The following SIK3 variants were observed in gnomAD, a reference collection of about 807,000 sequenced individuals.
SIK3 encodes serine/threonine-protein kinase SIK3.
A neutral mutation model predicts 144.2 loss-of-function variants in SIK3; 28 were observed. The ratio of observed to expected loss-of-function variants is 0.19; its 90% CI spans 0.14 to 0.27. The LOEUF (loss-of-function observed/expected upper bound fraction) is 0.27, where lower values mean the gene tolerates loss of function less well. Among genes scored for constraint, SIK3 ranks in the 10% least tolerant of loss-of-function variants. SIK3 has a pLI of 1.00. For synonymous variants in SIK3, 686 were observed against 676.3 expected, an observed-to-expected ratio of 1.01 and a Z score of -0.22; for missense variants, 1,319 against 1,776.0, an observed-to-expected ratio of 0.74 and a Z score of 4.62.
At chr11:116,940,419 C>T (rs1305408445) in intron 3 of SIK3, among the ~76,000 whole-genome samples, 2 of 151,656 alleles carry the variant, frequency 1.3e-5, no homozygotes, top group African/African-American at 2.4e-5. Flanking sequence ...TTAGTAAAGA[C>T]GGGGTTTCAA....
intron 1 of SIK3, among the ~76,000 whole-genome samples, chr11:117,032,631 C>T (rs559579384): frequency 2.0e-5 from 3 of 151,738 alleles, no homozygotes; most frequent in South Asian, 2.1e-4. Context: ...CTCAGCCTCC[C>T]GAGTAGCTGG....
chr11:117,072,835 T>C (rs1383878057), intron 1 of SIK3, among the ~76,000 whole-genome samples: 2 of 152,226 alleles, frequency 1.3e-5, no homozygotes, highest in African/African-American at 4.8e-5. Flanking sequence ...TGGCTGAAAG[T>C]AGATCAAAGG....
In SIK3 at chr11:116,943,223, G is replaced by T. The variant is rs182577605; in HGVS notation, c.454+10821C>A. Among the ~76,000 whole-genome samples, 421 of 152,138 alleles carry T rather than the reference G, an allele frequency of 2.8e-3. 1 individual carries two copies. The highest frequency in any genetic ancestry group is 9.8e-3 in the African/African-American group (407 of 41,486). On this transcript the variant is annotated intron_variant, in intron 3 of 24. Coordinates refer to ENST00000445177, the MANE Select transcript of SIK3 (RefSeq NM_001366686.3). Reference sequence around the variant, plus strand: ...TCAAAAAGTGCTATAGGAGAGGTATGTTCAAAGTGAAGAAAAAAAGGTAAT... The same window carrying T: ...TCAAAAAGTGCTATAGGAGAGGTATTTTCAAAGTGAAGAAAAAAAGGTAAT...
At chr11:116,882,411 A>G (rs1944597414) in intron 6 of SIK3, among the ~76,000 whole-genome samples, 1 of 152,174 alleles carries the variant, frequency 6.6e-6, no homozygotes, top group Non-Finnish European at 1.5e-5. Flanking sequence ...GAGATAGGTA[A>G]AAATTTAAGG....
At chr11:117,075,535 TA>T (rs1284652089) in intron 1 of SIK3, among the ~76,000 whole-genome samples, 65 of 143,160 alleles carry the variant, frequency 4.5e-4, no homozygotes, top group Middle Eastern at 3.6e-3. Context: ...TGTTATTGAT[TA>T]TTTTTTTTTC....
At chr11:116,992,331 A>AAC (rs1565534708) in intron 1 of SIK3, among the ~76,000 whole-genome samples, 2 of 145,210 alleles carry the variant, frequency 1.4e-5, no homozygotes, top group African/African-American at 5.0e-5. Flanking sequence ...CCCCCCAAAA[A>AAC]AAAACACCTC....
chr11:117,035,196 A>G (rs1285569405), intron 1 of SIK3, among the ~76,000 whole-genome samples: 2 of 152,180 alleles, frequency 1.3e-5, no homozygotes, highest in Admixed American at 6.5e-5. Context: ...AATATTAATA[A>G]AAGAAGCAGT....
chr11:116,935,819 T>A (rs1011336788), intron 3 of SIK3, among the ~76,000 whole-genome samples: 1 of 152,248 alleles, frequency 6.6e-6, no homozygotes, highest in East Asian at 1.9e-4. Flanking sequence ...ACAGCTCAAG[T>A]ACATGTCTCC....
chr11:116,991,098 C>T (rs1015101583), intron 1 of SIK3, among the ~76,000 whole-genome samples: 1 of 152,166 alleles, frequency 6.6e-6, no homozygotes. Context: ...AGAGAGAGAG[C>T]TGGTTAGTGG....
chr11:116,873,089 G>A (rs1345075677), intron 13 of SIK3, among the ~76,000 whole-genome samples: 1 of 152,224 alleles, frequency 6.6e-6, no homozygotes, highest in East Asian at 1.9e-4. Context: ...GGCAATTTTG[G>A]AAGCCAGTCT....
At chr11:116,860,546 T>C (rs1943267120) in intron 19 of SIK3, among the ~76,000 whole-genome samples, 1 of 152,238 alleles carries the variant, frequency 6.6e-6, no homozygotes, top group African/African-American at 2.4e-5. Context: ...GAGGCATGTC[T>C]ATAAGGAAGG....
intron 9 of SIK3, 29 bp from the exon 10 acceptor site, chr11:116,875,480 A>G: frequency 6.2e-7 from 1 of 1,603,598 alleles, no homozygotes; most frequent in Non-Finnish European, 8.5e-7. Context: ...ATATACACGC[A>G]TACCTTTAAC....
intron 1 of SIK3, among the ~76,000 whole-genome samples, chr11:117,059,791 AAAC>A (rs551900795): frequency 2.2e-4 from 34 of 152,346 alleles, no homozygotes; most frequent in African/African-American, 7.5e-4. Flanking sequence ...CTGCAAATTA[AAAC>A]AACAACGAGA....
intron 21 of SIK3, chr11:116,855,263 T>G (rs1435897146): frequency 1.3e-5 from 2 of 152,228 alleles, no homozygotes; most frequent in African/African-American, 2.4e-5. Flanking sequence ...TCTCACCCAT[T>G]GTTCTTTTCT....
rs1233087862 is a variant in SIK3 at position 116,896,355 on chromosome 11, C to T, written c.763G>A (p.Val255Met). 1.9e-6 allele frequency: 3 copies of T among 1,613,918 alleles called. No homozygotes were observed. The highest frequency in any genetic ancestry group is 1.7e-6 in the Non-Finnish European group (2 of 1,179,894). The change falls in exon 6 of 25, where the codon GTG (valine) becomes ATG (methionine). Residue 255 changes from valine (V) to methionine (M), a missense_variant. Transcript: ENST00000445177. Reference protein sequence around the residue: ...DIWSLGVVLYVLVCGALPFDG... With the variant: ...DIWSLGVVLYMLVCGALPFDG... ...AATGGCAGGGCACCGCACACAAGCA[C>T]GTAGAGGACAACTCCAAGGCTCTGC...
chr11:117,063,564 C>T (rs1953890125), intron 1 of SIK3, among the ~76,000 whole-genome samples: 1 of 150,036 alleles, frequency 6.7e-6, no homozygotes, highest in African/African-American at 2.5e-5. Context: ...CATACCCAGG[C>T]TTTAACTTCT....
At chr11:116,902,500 AATGAT>A (rs1021218223) in intron 4 of SIK3, among the ~76,000 whole-genome samples, 7 of 152,192 alleles carry the variant, frequency 4.6e-5, no homozygotes, top group South Asian at 2.1e-4. Flanking sequence ...TATGAGAATG[AATGAT>A]ATATTACAGC....
chr11:116,977,036 T>C (rs1326436813), intron 1 of SIK3, among the ~76,000 whole-genome samples: 2 of 152,128 alleles, frequency 1.3e-5, no homozygotes, highest in African/African-American at 2.4e-5. Flanking sequence ...AAATCAAACA[T>C]ATAAAATAGG....
chr11:116,912,948 C>T (rs1296991531), intron 4 of SIK3, among the ~76,000 whole-genome samples: 2 of 152,160 alleles, frequency 1.3e-5, no homozygotes, highest in African/African-American at 4.8e-5. Flanking sequence ...GAATGTTCTC[C>T]TGACTATTAA....
Sources: gnomAD v4.1 joint callset for allele counts (sites outside exome capture counted in the v4.1 genomes callset) on GRCh38, gnomAD v4.1.1 for gene constraint, MANE v1.5 for transcripts, NCBI Gene and HGNC (gene_info 2026-07-23, HGNC 2026-07-21) for gene names.